ZNF423: variants seen among roughly 807,000 people sequenced by gnomAD.
ZNF423 encodes Ebf-associated zinc finger protein.
A neutral mutation model predicts 95.8 loss-of-function variants in ZNF423; 12 were observed. The ratio of observed to expected loss-of-function variants is 0.13; its 90% CI spans 0.08 to 0.20. The LOEUF (loss-of-function observed/expected upper bound fraction) is 0.20, where lower values mean the gene tolerates loss of function less well. ZNF423 is among the 10% of genes least tolerant of loss of function. The pLI is 1.00. For synonymous variants in ZNF423, 749 were observed against 711.9 expected, an observed-to-expected ratio of 1.05 and a Z score of -0.83; for missense variants, 1,316 against 1,737.1, an observed-to-expected ratio of 0.76 and a Z score of 4.31.
intron 7 of ZNF423, among the ~76,000 whole-genome samples, chr16:49,515,589 C>G (rs1326058733): frequency 6.6e-6 from 1 of 152,158 alleles, no homozygotes; most frequent in African/African-American, 2.4e-5. Flanking sequence ...TAGGGCTGTA[C>G]ACAATCCATG....
intron 5 of ZNF423, among the ~76,000 whole-genome samples, chr16:49,544,763 G>A (rs2151743943): frequency 6.6e-6 from 1 of 152,380 alleles, no homozygotes; most frequent in Admixed American, 6.5e-5. Flanking sequence ...CTGGGAGCCA[G>A]GGCTTTTGCC....
At chr16:49,591,060 C>A (rs1451876131) in intron 5 of ZNF423, among the ~76,000 whole-genome samples, 1 of 152,230 alleles carries the variant, frequency 6.6e-6, no homozygotes, top group East Asian at 1.9e-4. Flanking sequence ...AAAACTGTCA[C>A]TGCCTACTGT....
chr16:49,717,507 T>G (rs879696976), intron 3 of ZNF423, among the ~76,000 whole-genome samples: 2 of 152,230 alleles, frequency 1.3e-5, no homozygotes, highest in Admixed American at 6.5e-5. Flanking sequence ...TTTTCAGGTC[T>G]GCTATTCAGA....
chr16:49,631,850 G>C (rs544521429), intron 4 of ZNF423, among the ~76,000 whole-genome samples: 2 of 152,160 alleles, frequency 1.3e-5, no homozygotes, highest in South Asian at 4.1e-4. Flanking sequence ...CTAGGGATGG[G>C]GTAAGTGGAG....
At chr16:49,702,982 G>A (rs1225446488) in intron 3 of ZNF423, among the ~76,000 whole-genome samples, 1 of 151,850 alleles carries the variant, frequency 6.6e-6, no homozygotes, top group Non-Finnish European at 1.5e-5. Flanking sequence ...ATATGCTCAT[G>A]TTCATAAAAT....
At chr16:49,607,486 A>C (rs1342237455) in intron 5 of ZNF423, among the ~76,000 whole-genome samples, 1 of 152,202 alleles carries the variant, frequency 6.6e-6, no homozygotes, top group East Asian at 1.9e-4. Context: ...GCAGATCACC[A>C]AAACTGAAGA....
At chr16:49,514,762 G>T (rs559359205) in intron 7 of ZNF423, among the ~76,000 whole-genome samples, 1 of 152,224 alleles carries the variant, frequency 6.6e-6, no homozygotes, top group Non-Finnish European at 1.5e-5. Flanking sequence ...TTGCCACCGC[G>T]GGCCCGGCTC....
chr16:49,542,688 T>C (rs1452593028), intron 5 of ZNF423, among the ~76,000 whole-genome samples: 1 of 152,184 alleles, frequency 6.6e-6, no homozygotes, highest in Non-Finnish European at 1.5e-5. Flanking sequence ...AACCACTTTG[T>C]CTGGCTGGGT....
chr16:49,729,639 CTATTATTATTATTAT>C (rs34889282), intron 3 of ZNF423, among the ~76,000 whole-genome samples: 5,636 of 138,928 alleles, frequency 0.041, 374 homozygotes, highest in African/African-American at 0.14. Flanking sequence ...CCTCTTAGGT[CTATTATTATTATTAT>C]TATTATTATT....
chr16:49,784,335 A>G (rs11863222), intron 2 of ZNF423, among the ~76,000 whole-genome samples: 18,633 of 152,104 alleles, frequency 0.12, 1,243 homozygotes, highest in East Asian at 0.23. Flanking sequence ...TAGGAGTTCA[A>G]ATCCAGCCTG....
At chr16:49,502,606 C>T (rs1346572350) in intron 7 of ZNF423, among the ~76,000 whole-genome samples, 1 of 152,026 alleles carries the variant, frequency 6.6e-6, no homozygotes, top group Non-Finnish European at 1.5e-5. Context: ...CCCACACCTT[C>T]CTTGCTTCAA....
chr16:49,702,421 G>T (rs2032211616), intron 3 of ZNF423, among the ~76,000 whole-genome samples: 1 of 152,226 alleles, frequency 6.6e-6, no homozygotes, highest in Non-Finnish European at 1.5e-5. Context: ...TTTGGAAGCT[G>T]GTTTGTGCAG....
chr16:49,578,156 A>C (rs916883327), intron 5 of ZNF423, among the ~76,000 whole-genome samples: 7 of 152,178 alleles, frequency 4.6e-5, no homozygotes, highest in Non-Finnish European at 1.0e-4. Context: ...CCCAGTAAAC[A>C]TCCCCCAAGA....
At chr16:49,532,914 C>T (rs773532533) in intron 5 of ZNF423, among the ~76,000 whole-genome samples, 77 of 152,214 alleles carry the variant, frequency 5.1e-4, no homozygotes, top group Non-Finnish European at 1.2e-4. Context: ...CAAACGAACG[C>T]TACCCCATGG....
chr16:49,638,617 T>G lies in ZNF423; in HGVS notation c.559A>C (p.Arg187=). 1 of 1,613,974 alleles carries G rather than the reference T, an allele frequency of 6.2e-7. No homozygotes were observed. Among genetic ancestry groups the G allele is most frequent in the Non-Finnish European group, 8.5e-7 (1 of 1,179,960 alleles). Residue 187 remains arginine, a synonymous_variant, in exon 4 of 8, where the codon AGG becomes CGG. Transcript: ENST00000563137. The surrounding 1 kb of genome is among the most constrained non-coding windows in gnomAD (Gnocchi z 5.6). ...AGCTTGATGTGCCGGTCACGGCTCC[T>G]CTTGTGCTTGAAGAGGCGGCTGCAG... ...TYCSRLFKHK[R]SRDRHIKLHT...
intron 1 of ZNF423, among the ~76,000 whole-genome samples, chr16:49,848,728 C>G (rs1305676413): frequency 6.6e-6 from 1 of 152,098 alleles, no homozygotes; most frequent in African/African-American, 2.4e-5. Context: ...AAATTGCTGG[C>G]GAATACAGGC....
intron 2 of ZNF423, among the ~76,000 whole-genome samples, chr16:49,784,050 A>G (rs1457376981): frequency 1.3e-5 from 2 of 152,126 alleles, no homozygotes; most frequent in Non-Finnish European, 2.9e-5. Context: ...GAAGTTTAGA[A>G]TTTACAAAAA....
intron 2 of ZNF423, among the ~76,000 whole-genome samples, chr16:49,743,716 C>T (rs2033462436): frequency 6.6e-6 from 1 of 152,070 alleles, no homozygotes; most frequent in African/African-American, 2.4e-5. Flanking sequence ...CAGCAGCTCC[C>T]TTCCCACCAA....
chr16:49,620,163 C>A (rs201546945), intron 5 of ZNF423, among the ~76,000 whole-genome samples: 23 of 140,432 alleles, frequency 1.6e-4, no homozygotes, highest in South Asian at 4.6e-4. Flanking sequence ...ACACACACAC[C>A]ACACACACAC....
Sources: gnomAD v4.1 joint callset for allele counts (sites outside exome capture counted in the v4.1 genomes callset) on GRCh38, gnomAD v4.1.1 for gene constraint, Gnocchi (gnomAD v3.1) non-coding constraint, MANE v1.5 for transcripts, NCBI Gene and HGNC (gene_info 2026-07-23, HGNC 2026-07-21) for gene names.